The following TMCO4 variants were observed in gnomAD, a reference collection of about 807,000 sequenced individuals.
TMCO4 encodes the protein transmembrane and coiled-coil domains 4, also known as transmembrane and coiled-coil domain-containing protein 4.
Under a neutral mutation model 64.7 loss-of-function variants are expected in TMCO4, and 58 were observed. The ratio of observed to expected loss-of-function variants is 0.90; its 90% CI spans 0.73 to 1.12. The LOEUF (loss-of-function observed/expected upper bound fraction) is 1.12. TMCO4 is among the 50% of genes most tolerant of loss of function. TMCO4 has a pLI of 0.00. For synonymous variants in TMCO4, 325 were observed against 346.1 expected, an observed-to-expected ratio of 0.94 and a Z score of 0.68; for missense variants, 780 against 825.9, an observed-to-expected ratio of 0.94 and a Z score of 0.68.
intron 15 of TMCO4, among the ~76,000 whole-genome samples, chr1:19,689,310 G>A (rs1464440838): frequency 6.6e-6 from 1 of 152,224 alleles, no homozygotes; most frequent in Admixed American, 6.5e-5. Context: ...GTGATAAAGA[G>A]CTATTATTAG....
At chr1:19,748,202 C>A (rs1197422629) in intron 7 of TMCO4, among the ~76,000 whole-genome samples, 1 of 152,216 alleles carries the variant, frequency 6.6e-6, no homozygotes, top group Non-Finnish European at 1.5e-5. Flanking sequence ...AAGCATTTAG[C>A]ATGGCGGCGG....
intron 9 of TMCO4, 112 bp from the exon 10 acceptor site, chr1:19,745,763 C>T (rs2041747757): frequency 2.1e-5 from 29 of 1,370,672 alleles, no homozygotes; most frequent in South Asian, 3.0e-5. Context: ...GTGTGCCCTG[C>T]CCCTGGAAAA....
chr1:19,785,751 C>T (rs1195594561), intron 3 of TMCO4, among the ~76,000 whole-genome samples: 1 of 152,176 alleles, frequency 6.6e-6, no homozygotes, highest in African/African-American at 2.4e-5. Context: ...CAGCAGCCCA[C>T]TCAACACATA....
chr1:19,781,190 G>GT (rs1466375394), intron 3 of TMCO4, among the ~76,000 whole-genome samples: 1 of 151,428 alleles, frequency 6.6e-6, no homozygotes, highest in Non-Finnish European at 1.5e-5. Flanking sequence ...GCCAGGTATG[G>GT]TGGCTCATGC....
At position 19,742,255 on chromosome 1, in the gene TMCO4, G is replaced by A. The variant is rs183106332; in HGVS notation, c.878-1314C>T. Reference sequence around the variant, plus strand: ...TTCTTATCACAGTCTGCAATTATTCGCTATTTATGCATCCTGTTTGACGTG... The same window carrying A: ...TTCTTATCACAGTCTGCAATTATTCACTATTTATGCATCCTGTTTGACGTG... On this transcript the variant is annotated intron_variant, in intron 10 of 15. Coordinates refer to ENST00000294543, the MANE Select transcript of TMCO4 (RefSeq NM_181719.7). Among the ~76,000 whole-genome samples, 9 of 152,218 alleles carry A rather than the reference G, an allele frequency of 5.9e-5. No individual in the cohort carries two copies. The South Asian group carries it at 8.3e-4, about 14-fold the overall frequency.
chr1:19,699,740 T>C (rs190013584), intron 14 of TMCO4, among the ~76,000 whole-genome samples: 35 of 152,212 alleles, frequency 2.3e-4, no homozygotes, highest in African/African-American at 7.7e-4. Context: ...TCCCAAGTGA[T>C]TGACAATGAT....
chr1:19,696,248 A>G (rs2100584642), intron 14 of TMCO4, among the ~76,000 whole-genome samples: 1 of 152,352 alleles, frequency 6.6e-6, no homozygotes, highest in South Asian at 2.1e-4. Context: ...TCCAAGAAGC[A>G]CTGTCTAAGA....
In TMCO4 at chr1:19,786,535, C is replaced by T. The variant is rs148197118; in HGVS notation, c.-9+491G>A. On this transcript the variant is annotated intron_variant, in intron 3 of 15. Transcript: ENST00000294543. ...AGAAGAACCAAAAAGATGTTTGGTG[C>T]GGCCAGGGCTTGGACAATGGGTGGG... Among the ~76,000 whole-genome samples, 157 of 152,240 alleles carry T rather than the reference C, an allele frequency of 1.0e-3. 2 individuals are homozygous for T. The highest frequency in any genetic ancestry group is 7.4e-5 in the Non-Finnish European group (5 of 68,022).
chr1:19,713,866 C>T (rs1279331393), intron 13 of TMCO4, among the ~76,000 whole-genome samples: 1 of 152,054 alleles, frequency 6.6e-6, no homozygotes, highest in Non-Finnish European at 1.5e-5. Flanking sequence ...AATTTAATTC[C>T]TATTTTCCAT....
intron 12 of TMCO4, 73 bp downstream of exon 12, chr1:19,739,751 A>G (rs1570833621): frequency 2.6e-6 from 4 of 1,559,152 alleles, no homozygotes; most frequent in Middle Eastern, 2.3e-4. Flanking sequence ...TCTAAGGCTG[A>G]TATCTGTGAA....
chr1:19,796,106 G>T (rs2044294440), intron 2 of TMCO4, among the ~76,000 whole-genome samples: 1 of 152,148 alleles, frequency 6.6e-6, no homozygotes, highest in Non-Finnish European at 1.5e-5. Context: ...ATTTTCTGGG[G>T]CCTACTTCCA....
chr1:19,751,525 A>T (rs2042016894), intron 7 of TMCO4, among the ~76,000 whole-genome samples: 2 of 152,170 alleles, frequency 1.3e-5, no homozygotes. Flanking sequence ...TGAACCTGCG[A>T]GGTCAAGGCT....
At chr1:19,784,924 C>T (rs1056740873) in intron 3 of TMCO4, among the ~76,000 whole-genome samples, 26 of 151,626 alleles carry the variant, frequency 1.7e-4, no homozygotes, top group Non-Finnish European at 2.4e-4. Context: ...TGTGTTGGGC[C>T]GCATTCAAAG....
intron 6 of TMCO4, among the ~76,000 whole-genome samples, chr1:19,763,588 G>A (rs1451840540): frequency 6.6e-6 from 1 of 152,210 alleles, no homozygotes; most frequent in Non-Finnish European, 1.5e-5. Flanking sequence ...GCCTGCTGCT[G>A]TGCCAGGGCA....
At chr1:19,783,261 A>T (rs2043576435) in intron 3 of TMCO4, among the ~76,000 whole-genome samples, 1 of 152,176 alleles carries the variant, frequency 6.6e-6, no homozygotes, top group Non-Finnish European at 1.5e-5. Flanking sequence ...GGCTCAGAGA[A>T]GTAACTGGGC....
At chr1:19,770,271 A>G (rs2042924477) in intron 6 of TMCO4, among the ~76,000 whole-genome samples, 2 of 152,202 alleles carry the variant, frequency 1.3e-5, no homozygotes, top group African/African-American at 2.4e-5. Flanking sequence ...GCCTGGGTGG[A>G]GAGGGGAAGG....
intron 13 of TMCO4, among the ~76,000 whole-genome samples, chr1:19,730,552 A>G (rs1438912528): frequency 1.3e-5 from 2 of 152,238 alleles, no homozygotes; most frequent in East Asian, 3.9e-4. Flanking sequence ...CCTGCCCTCA[A>G]GGGGCTTGCA....
intron 15 of TMCO4, among the ~76,000 whole-genome samples, chr1:19,688,291 G>A (rs2095165777): frequency 6.6e-6 from 1 of 152,086 alleles, no homozygotes. Context: ...GTGCCCCACA[G>A]CCAGCCCCGC....
chr1:19,693,176 A>C (rs2095211624), intron 15 of TMCO4, among the ~76,000 whole-genome samples: 4 of 120,906 alleles, frequency 3.3e-5, no homozygotes, highest in Admixed American at 8.3e-5. Flanking sequence ...AAAAAAAAAA[A>C]AAAAAAAAAA....
Sources: gnomAD v4.1 joint callset for allele counts (sites outside exome capture counted in the v4.1 genomes callset) on GRCh38, gnomAD v4.1.1 for gene constraint, MANE v1.5 for transcripts, NCBI Gene and HGNC (gene_info 2026-07-23, HGNC 2026-07-21) for gene names.